Variants in BRDT observed in about 807,000 individuals in gnomAD.
BRDT encodes bromodomain testis associated, also known as bromodomain testis-specific protein.
BRDT carries 77 observed loss-of-function variants against 113.9 expected under a neutral mutation model. The observed-to-expected ratio is 0.68, with a 90% confidence interval of 0.56 to 0.82. The LOEUF (loss-of-function observed/expected upper bound fraction) is 0.82, where lower values mean the gene tolerates loss of function less well. Among genes scored for constraint, BRDT ranks in the 40% least tolerant of loss-of-function variants. The pLI is 0.00. For synonymous variants in BRDT, 358 were observed against 366.5 expected (o/e 0.98, Z 0.26); for missense variants, 1,027 against 1,105.4 (o/e 0.93, Z 1.01).
At chr1:91,970,528 A>G (rs1435477196) in intron 4 of BRDT, among the ~76,000 whole-genome samples, 1 of 152,204 alleles carries the variant, frequency 6.6e-6, no homozygotes, top group African/African-American at 2.4e-5. Flanking sequence ...TGGCCTCCCA[A>G]AGTGCTAGGA....
chr1:91,995,950 A>C (rs976793050), intron 15 of BRDT, among the ~76,000 whole-genome samples: 1 of 152,040 alleles, frequency 6.6e-6, no homozygotes, highest in Non-Finnish European at 1.5e-5. Flanking sequence ...ATATCTCTTC[A>C]TTGTGGGGAA....
At chr1:91,979,857 C>A in intron 8 of BRDT, 100 bp downstream of exon 8, 1 of 1,108,172 alleles carries the variant, frequency 9.0e-7, no homozygotes, top group Non-Finnish European at 1.3e-6. Flanking sequence ...TAAATCGCTT[C>A]ATAACTGTGG....
At chr1:91,951,035 AAAAG>A (rs1203288681) in intron 1 of BRDT, among the ~76,000 whole-genome samples, 7 of 91,880 alleles carry the variant, frequency 7.6e-5, no homozygotes, top group Admixed American at 1.3e-4. Context: ...CAAAAAAAAA[AAAAG>A]AGATGGTCCT....
chr1:91,985,530 T>C (rs1685133365), intron 12 of BRDT, among the ~76,000 whole-genome samples: 1 of 151,910 alleles, frequency 6.6e-6, no homozygotes, highest in African/African-American at 2.4e-5. Context: ...TTTCATTTAG[T>C]ATCTGTCTTC....
chr1:91,982,113 C>T (rs1684786185), intron 12 of BRDT, among the ~76,000 whole-genome samples: 2 of 152,136 alleles, frequency 1.3e-5, no homozygotes. Context: ...GCACCTTTCG[C>T]TTTACTCTCC....
intron 12 of BRDT, among the ~76,000 whole-genome samples, chr1:91,983,768 G>A (rs908330497): frequency 4.0e-5 from 6 of 150,036 alleles, no homozygotes; most frequent in African/African-American, 1.2e-4. Flanking sequence ...GGCCTCCTCC[G>A]CCTCCTGGGT....
intron 4 of BRDT, among the ~76,000 whole-genome samples, chr1:91,975,282 A>G (rs919682552): frequency 6.6e-6 from 1 of 151,842 alleles, no homozygotes; most frequent in Non-Finnish European, 1.5e-5. Flanking sequence ...AAAGTATAAT[A>G]AAAAAAATTT....
At chr1:91,977,422 C>G (rs1204579791) in intron 6 of BRDT, 29 bp downstream of exon 6, 1 of 1,421,120 alleles carries the variant, frequency 7.0e-7, no homozygotes, top group Non-Finnish European at 9.4e-7. Flanking sequence ...GGAAGAACTT[C>G]TTTTTCTTGA....
At chr1:91,979,026 C>CAAA (rs1416677618) in intron 7 of BRDT, among the ~76,000 whole-genome samples, 2,257 of 138,292 alleles carry the variant, frequency 0.016, 55 homozygotes, top group African/African-American at 0.051. Context: ...ACAACAACAA[C>CAAA]AAAAAAAACC....
chr1:91,954,493 T>C (rs1681509076), intron 1 of BRDT, among the ~76,000 whole-genome samples: 1 of 152,088 alleles, frequency 6.6e-6, no homozygotes, highest in Non-Finnish European at 1.5e-5. Flanking sequence ...TTGCCCAAGA[T>C]GGTCTCAAAC....
chr1:92,007,921 A>G (rs879579904), intron 18 of BRDT, among the ~76,000 whole-genome samples: 2 of 148,446 alleles, frequency 1.3e-5, no homozygotes, highest in Non-Finnish European at 3.0e-5. Flanking sequence ...TCATTCATTC[A>G]TTCGTTTATT....
chr1:91,992,330 T>G lies in BRDT; in HGVS notation c.2115+16T>G. The G allele has an allele frequency of 6.7e-7, 1 of 1,496,484 alleles. No homozygotes were observed. The highest frequency in any genetic ancestry group is 9.0e-7 in the Non-Finnish European group (1 of 1,115,170). 92.7% of individuals were successfully genotyped at this position (1,496,484 alleles called of 1,614,324 possible). On this transcript the variant is annotated intron_variant, in intron 14 of 18. Transcript: ENST00000399546. ...CGTCACACAGGTAATGCTTAAAATG[T>G]GTTTTAAAGAACAGGGGAAGAAATG...
At chr1:91,970,616 AT>A (rs1683530540) in intron 4 of BRDT, among the ~76,000 whole-genome samples, 1 of 152,244 alleles carries the variant, frequency 6.6e-6, no homozygotes, top group African/African-American at 2.4e-5. Flanking sequence ...TTGCATTGCT[AT>A]AAAGAAATAC....
rs150253987 is a variant in BRDT at position 91,986,488 on chromosome 1, A to C, written c.2003-4696A>C. 2.6e-3 allele frequency among the ~76,000 whole-genome samples: 400 copies of C among 152,322 alleles called. 2 individuals carry two copies. The highest frequency in any genetic ancestry group is 9.4e-3 in the African/African-American group (389 of 41,554). On this transcript the variant is annotated intron_variant, in intron 12 of 18. Coordinates refer to ENST00000399546, the MANE Select transcript of BRDT (RefSeq NM_207189.4). Reference sequence around the variant, plus strand: ...AATTTTTACAGAGTTAAACACAAAGAAACTAAATGGTCATGACATCAGTTC... The same window carrying C: ...AATTTTTACAGAGTTAAACACAAAGCAACTAAATGGTCATGACATCAGTTC...
At chr1:91,963,788 C>CTTTTTTT (rs57708341) in intron 2 of BRDT, among the ~76,000 whole-genome samples, 1 of 119,542 alleles carries the variant, frequency 8.4e-6, no homozygotes, top group Non-Finnish European at 1.8e-5. Flanking sequence ...TCTTTATTGG[C>CTTTTTTT]TTTTTTTTTT....
chr1:91,997,039 A>G (rs1570612996), intron 15 of BRDT, among the ~76,000 whole-genome samples: 1 of 152,188 alleles, frequency 6.6e-6, no homozygotes, highest in East Asian at 1.9e-4. Context: ...CAGTAAAAGT[A>G]GAAAAAAATA....
chr1:91,964,828 A>T lies in BRDT; in HGVS notation c.330+64A>T, dbSNP rs1682883168. 8.7e-6 allele frequency: 10 copies of T among 1,149,928 alleles called. No individual in the cohort carries two copies. The East Asian group carries it at 2.3e-4, about 27-fold the overall frequency. 71.2% of individuals were successfully genotyped at this position (1,149,928 alleles called of 1,614,324 possible). On this transcript the variant is annotated intron_variant, in intron 3 of 18. Transcript: ENST00000399546. ...ATTACATATAGGAGAGAAATGTATAAAATCATGTGATCATTTCAGATTTCA... is the reference window on the plus strand; with the variant it reads ...ATTACATATAGGAGAGAAATGTATATAATCATGTGATCATTTCAGATTTCA...
At chr1:91,963,635 T>G (rs1161828508) in intron 2 of BRDT, among the ~76,000 whole-genome samples, 2 of 152,172 alleles carry the variant, frequency 1.3e-5, no homozygotes, top group Non-Finnish European at 2.9e-5. Context: ...AATGCAATGG[T>G]TGAGTAGTTT....
rs780557169 is a variant in BRDT, at chr1:92,005,144, G to T, written c.2620G>T (p.Glu874Ter). The stretch of plus-strand genomic sequence containing the variant: ...GGATCTTGGGAATGGATTGACTGTA[G>T]AATCTTTTTCAAATAAAATACAAAA... ...QRDLGNGLTVESFSNKIQNKC... is the reference protein window; with the variant it reads ...QRDLGNGLTV Residue 874 changes from glutamate (E) to a stop codon, truncating the protein, a stop_gained, in exon 18 of 19, where the codon GAA (glutamate) becomes TAA (stop). Coordinates refer to ENST00000399546, the MANE Select transcript of BRDT (RefSeq NM_207189.4). LOFTEE classifies it high-confidence loss of function. 2 of 1,533,598 alleles carry T rather than the reference G, an allele frequency of 1.3e-6. No homozygotes were observed. The highest frequency in any genetic ancestry group is 2.6e-5 in the South Asian group (2 of 76,534). 95.0% of individuals were successfully genotyped at this position (1,533,598 alleles called of 1,614,324 possible). A position where few individuals can be genotyped will look rare whatever the true frequency, so the allele number is the denominator to read the frequency against.
Sources: allele counts gnomAD v4.1 joint callset (sites outside exome capture counted in the v4.1 genomes callset), GRCh38; gene constraint gnomAD v4.1.1; transcripts MANE v1.5; gene names NCBI Gene and HGNC (gene_info 2026-07-23, HGNC 2026-07-21).